CASK: variants seen among roughly 807,000 people sequenced by gnomAD.
The protein encoded by CASK is calcium/calmodulin dependent serine protein kinase.
In CASK, 4 loss-of-function variants were observed where a neutral mutation model predicts 82.9. That is an observed-to-expected ratio of 0.05 (90% CI 0.02 to 0.11). The LOEUF is 0.11. CASK is among the 10% of genes least tolerant of loss of function. The pLI, the probability that CASK is intolerant of heterozygous loss-of-function variation, is 1.00. For missense variants in CASK, 358 were observed against 720.9 expected (o/e 0.50, Z 5.76); for synonymous variants, 259 against 253.5 (o/e 1.02, Z -0.20).
intron 5 of CASK, chrX:41,729,446 CGGT>C (rs1465939497): frequency 8.2e-6 from 1 of 121,227 alleles, no homozygotes; most frequent in East Asian, 2.8e-4. Context: ...GGGCTGGGTG[CGGT>C]GGCTCATGCC....
chrX:41,573,787 A>T (rs1172595896), intron 15 of CASK, among the ~76,000 whole-genome samples: 1 of 111,782 alleles, frequency 8.9e-6, no homozygotes, highest in African/African-American at 3.3e-5. Flanking sequence ...AAATATTCTT[A>T]TGTTTTGTTC....
chrX:41,851,980 T>C (rs2147969103), intron 2 of CASK, among the ~76,000 whole-genome samples: 1 of 111,593 alleles, frequency 9.0e-6, no homozygotes, highest in South Asian at 3.7e-4. Context: ...TTTTAAATGT[T>C]GCTAGATTTA....
chrX:41,912,790 T>TTATATATATATATA (rs202164173), intron 1 of CASK, among the ~76,000 whole-genome samples: 257 of 97,929 alleles, frequency 2.6e-3, no homozygotes, highest in Non-Finnish European at 4.0e-3. Context: ...TGCAAGTAAT[T>TTATATATATATATA]TATATATATA....
intron 5 of CASK, among the ~76,000 whole-genome samples, chrX:41,686,320 C>G (rs1235303920): frequency 3.6e-5 from 4 of 110,776 alleles, no homozygotes; most frequent in Non-Finnish European, 7.6e-5. Context: ...GAACTCCTGA[C>G]CCTCAGGTGA....
At chrX:41,911,106 T>C (rs1276943631) in intron 1 of CASK, among the ~76,000 whole-genome samples, 9 of 111,793 alleles carry the variant, frequency 8.1e-5, no homozygotes, top group Non-Finnish European at 1.7e-4. Context: ...TATCTAATTA[T>C]TCTACAACTG....
At chrX:41,875,143 G>C (rs1267431525) in intron 1 of CASK, among the ~76,000 whole-genome samples, 1 of 112,276 alleles carries the variant, frequency 8.9e-6, no homozygotes, top group Non-Finnish European at 1.9e-5. Context: ...TCATTGCTTA[G>C]CAGAATAGTT....
At chrX:41,735,064 A>G (rs1363520757) in intron 5 of CASK, among the ~76,000 whole-genome samples, 1 of 111,501 alleles carries the variant, frequency 9.0e-6, no homozygotes, top group African/African-American at 3.3e-5. Flanking sequence ...ATTAATAAAT[A>G]TAATAACAGG....
chrX:41,826,897 ATTC>A (rs1260685431), intron 2 of CASK, among the ~76,000 whole-genome samples: 1 of 112,333 alleles, frequency 8.9e-6, no homozygotes, highest in African/African-American at 3.2e-5. Context: ...CCCTTTCATT[ATTC>A]TTGGCTTAAT....
chrX:41,609,516 T>G (rs2066011083), intron 12 of CASK, among the ~76,000 whole-genome samples: 1 of 111,380 alleles, frequency 9.0e-6, no homozygotes, highest in African/African-American at 3.3e-5. Flanking sequence ...ATCTGAGAAT[T>G]CATGTAAAGT....
At chrX:41,623,050 C>T (rs959781319) in intron 10 of CASK, among the ~76,000 whole-genome samples, 3 of 109,489 alleles carry the variant, frequency 2.7e-5, no homozygotes, top group African/African-American at 1.0e-4. Flanking sequence ...CATGCCATCA[C>T]GCCCAGCTAA....
At chrX:41,587,714 A>G (rs900275808) in intron 13 of CASK, 2 of 112,376 alleles carry the variant, frequency 1.8e-5, no homozygotes, top group African/African-American at 6.5e-5. Context: ...TTGTTTTCAA[A>G]TAAAATTGTT....
chrX:41,740,102 A>C (rs2068568906), intron 4 of CASK, among the ~76,000 whole-genome samples: 1 of 112,222 alleles, frequency 8.9e-6, no homozygotes, highest in Admixed American at 9.5e-5. Context: ...AGAAGAAATC[A>C]GCATTTTAAA....
chrX:41,843,111 T>C (rs1023218637), intron 2 of CASK, among the ~76,000 whole-genome samples: 4 of 111,944 alleles, frequency 3.6e-5, no homozygotes, highest in Non-Finnish European at 7.5e-5. Flanking sequence ...TATATGCCAA[T>C]AGAGGGCATT....
intron 5 of CASK, among the ~76,000 whole-genome samples, chrX:41,680,796 T>A (rs1241872891): frequency 9.1e-6 from 1 of 110,152 alleles, no homozygotes; most frequent in Non-Finnish European, 1.9e-5. Flanking sequence ...AAGCCTGTAA[T>A]CCCAGCTACT....
intron 22 of CASK, among the ~76,000 whole-genome samples, chrX:41,537,372 G>A (rs2064888021): frequency 9.0e-6 from 1 of 110,986 alleles, no homozygotes; most frequent in African/African-American, 3.3e-5. Flanking sequence ...AGCTTTTAAA[G>A]GTTTTAAGTT....
intron 2 of CASK, among the ~76,000 whole-genome samples, chrX:41,801,090 G>T (rs36110982): frequency 9.0e-6 from 1 of 111,484 alleles, no homozygotes; most frequent in South Asian, 3.8e-4. Context: ...GCAAAATGCA[G>T]AAAAGTGTGA....
intron 6 of CASK, among the ~76,000 whole-genome samples, chrX:41,669,882 A>T (rs1386871324): frequency 5.4e-5 from 6 of 111,462 alleles, no homozygotes; most frequent in Non-Finnish European, 1.1e-4. Flanking sequence ...TTATATGAAG[A>T]ATGGCCAAAT....
intron 12 of CASK, among the ~76,000 whole-genome samples, chrX:41,608,004 G>A (rs912953702): frequency 2.7e-5 from 3 of 112,140 alleles, no homozygotes; most frequent in African/African-American, 9.7e-5. Context: ...TATATACAAA[G>A]GCCAAACTAG....
At position 41,705,033 on chromosome X, in the gene CASK, G is replaced by A. The variant is rs12009029; in HGVS notation, c.430-33503C>T. On this transcript the variant is annotated intron_variant, in intron 5 of 26. Coordinates refer to ENST00000378163, the MANE Select transcript of CASK (RefSeq NM_001367721.1). Reference sequence around the variant, plus strand: ...AAAATGGAATGGCTAGAAGCTGAGGGTAAACATCAGAACTAGGAAGATACA... The same window carrying A: ...AAAATGGAATGGCTAGAAGCTGAGGATAAACATCAGAACTAGGAAGATACA... Among the ~76,000 whole-genome samples, 974 of 112,222 alleles carry A rather than the reference G, an allele frequency of 8.7e-3. 14 individuals are homozygous for A. Among genetic ancestry groups the A allele is most frequent in the African/African-American group, 0.03 (937 of 30,876 alleles).
Sources: allele counts gnomAD v4.1 joint callset (sites outside exome capture counted in the v4.1 genomes callset), GRCh38; gene constraint gnomAD v4.1.1; transcripts MANE v1.5; gene names NCBI Gene and HGNC (gene_info 2026-07-23, HGNC 2026-07-21).